NRG3: variants seen among roughly 807,000 people sequenced by gnomAD.
NRG3 encodes pro-neuregulin-3, membrane-bound isoform.
In NRG3, 31 loss-of-function variants were observed where a neutral mutation model predicts 66.9. The ratio of observed to expected loss-of-function variants is 0.46; its 90% CI spans 0.35 to 0.63. NRG3 has a LOEUF of 0.63. Ranked by LOEUF, NRG3 falls within the 20% of genes least tolerant of loss-of-function variation. The pLI is 0.00. For synonymous variants in NRG3, 393 were observed against 359.4 expected, an observed-to-expected ratio of 1.09 and a Z score of -1.06; for missense variants, 910 against 878.9, an observed-to-expected ratio of 1.04 and a Z score of -0.45.
intron 1 of NRG3, among the ~76,000 whole-genome samples, chr10:82,055,420 T>A (rs2063792987): frequency 7.4e-6 from 1 of 134,900 alleles, no homozygotes; most frequent in African/African-American, 2.8e-5. Flanking sequence ...GAGTTTGCAG[T>A]GAACCAAGAT....
intron 7 of NRG3, among the ~76,000 whole-genome samples, chr10:82,977,276 A>G (rs1343175931): frequency 1.3e-5 from 2 of 152,154 alleles, no homozygotes; most frequent in African/African-American, 4.8e-5. Context: ...CTATCTAGAC[A>G]TCCCTTGTTA....
intron 2 of NRG3, among the ~76,000 whole-genome samples, chr10:82,683,315 C>T (rs913962376): frequency 1.3e-5 from 2 of 151,960 alleles, no homozygotes; most frequent in African/African-American, 2.4e-5. Context: ...TCCTTCCTCC[C>T]TCCCTTCCTC....
At chr10:82,624,776 G>T (rs1214996997) in intron 2 of NRG3, among the ~76,000 whole-genome samples, 1 of 147,554 alleles carries the variant, frequency 6.8e-6, no homozygotes, top group Non-Finnish European at 1.5e-5. Context: ...CAATGTACCA[G>T]GTTGGTGCTT....
At position 82,369,786 on chromosome 10, in the gene NRG3, A is replaced by G. The variant is rs2084767233; in HGVS notation, c.953+10918A>G. Reference sequence around the variant, plus strand: ...GTGGATTTTTCTTAATGTAACTTTCACCAGAATGTACAACCTCTGTATTGT... The same window carrying G: ...GTGGATTTTTCTTAATGTAACTTTCGCCAGAATGTACAACCTCTGTATTGT... On this transcript the variant is annotated intron_variant, in intron 2 of 8. Coordinates refer to ENST00000372141, the MANE Select transcript of NRG3 (RefSeq NM_001010848.4). Among the ~76,000 whole-genome samples the G allele has an allele frequency of 1.4e-5, 2 of 138,834 alleles. 1 individual carries two copies. The highest frequency in any genetic ancestry group is 3.0e-5 in the Non-Finnish European group (2 of 67,592). 91.1% of individuals were successfully genotyped at this position (138,834 alleles called of 152,430 possible).
chr10:82,409,452 C>G (rs1036739301), intron 2 of NRG3, among the ~76,000 whole-genome samples: 1 of 151,400 alleles, frequency 6.6e-6, no homozygotes, highest in Non-Finnish European at 1.5e-5. Flanking sequence ...AACCCATGCC[C>G]GGATAAACAA....
intron 1 of NRG3, among the ~76,000 whole-genome samples, chr10:81,896,907 C>G (rs1338164665): frequency 6.6e-6 from 1 of 152,168 alleles, no homozygotes; most frequent in African/African-American, 2.4e-5. Flanking sequence ...AAACCCAACA[C>G]CCCTGGAGCT....
At chr10:82,735,487 G>A (rs182292870) in intron 2 of NRG3, among the ~76,000 whole-genome samples, 6 of 152,286 alleles carry the variant, frequency 3.9e-5, no homozygotes, top group African/African-American at 1.4e-4. Flanking sequence ...ATTTGCAATA[G>A]CAAAGACTAG....
At chr10:81,898,998 A>G (rs1045004499) in intron 1 of NRG3, among the ~76,000 whole-genome samples, 4 of 152,186 alleles carry the variant, frequency 2.6e-5, no homozygotes, top group African/African-American at 9.6e-5. Flanking sequence ...TTTACATTTT[A>G]TTTTATCTCA....
chr10:82,662,242 G>T (rs1372296526), intron 2 of NRG3, among the ~76,000 whole-genome samples: 2 of 122,060 alleles, frequency 1.6e-5, no homozygotes, highest in Admixed American at 7.9e-5. Context: ...CACGAAGTAG[G>T]GTGTGGGTTG....
chr10:82,173,799 A>G (rs1329692847), intron 1 of NRG3, among the ~76,000 whole-genome samples: 2 of 152,110 alleles, frequency 1.3e-5, no homozygotes, highest in African/African-American at 4.8e-5. Flanking sequence ...AAAGTGTGCT[A>G]GAGACTCAGA....
At chr10:81,943,092 G>T (rs1169900414) in intron 1 of NRG3, among the ~76,000 whole-genome samples, 2 of 152,068 alleles carry the variant, frequency 1.3e-5, no homozygotes, top group Non-Finnish European at 2.9e-5. Context: ...TACACAAGTA[G>T]TAGTTGCATT....
chr10:82,951,431 G>A (rs781434142), intron 4 of NRG3, 38 bp from the exon 5 acceptor site: 19 of 1,504,756 alleles, frequency 1.3e-5, no homozygotes, highest in South Asian at 6.8e-5. Flanking sequence ...GATGCACCCC[G>A]CTAGCATCCA....
chr10:82,614,898 C>CAA, intron 2 of NRG3, among the ~76,000 whole-genome samples: 1 of 143,678 alleles, frequency 7.0e-6, no homozygotes, highest in African/African-American at 2.5e-5. Flanking sequence ...TATATATTTC[C>CAA]AAAAAAAAAA....
chr10:82,252,154 C>T (rs1235094301), intron 1 of NRG3, among the ~76,000 whole-genome samples: 1 of 152,178 alleles, frequency 6.6e-6, no homozygotes, highest in Non-Finnish European at 1.5e-5. Flanking sequence ...AATTAATTGC[C>T]TTGAAGAGAG....
chr10:82,295,131 T>C (rs1383044554), intron 1 of NRG3, among the ~76,000 whole-genome samples: 1 of 152,212 alleles, frequency 6.6e-6, no homozygotes, highest in African/African-American at 2.4e-5. Context: ...AAATTGCACA[T>C]GACCTTGGTC....
intron 1 of NRG3, among the ~76,000 whole-genome samples, chr10:81,989,456 C>T (rs751170731): frequency 1.5e-4 from 23 of 151,904 alleles, no homozygotes; most frequent in African/African-American, 4.1e-4. Context: ...AGCAAAGAAA[C>T]GCAAAAGTGA....
chr10:82,552,955 C>T (rs1156791053), intron 2 of NRG3, among the ~76,000 whole-genome samples: 1 of 151,986 alleles, frequency 6.6e-6, no homozygotes, highest in Non-Finnish European at 1.5e-5. Context: ...GACAATGTAC[C>T]TCCACATGAT....
At chr10:82,816,567 A>G (rs902589267) in intron 3 of NRG3, among the ~76,000 whole-genome samples, 3 of 151,860 alleles carry the variant, frequency 2.0e-5, no homozygotes, top group Non-Finnish European at 4.4e-5. Context: ...AAAAAGCACC[A>G]TAAGTTCTCA....
At chr10:82,031,726 C>A (rs1300303302) in intron 1 of NRG3, among the ~76,000 whole-genome samples, 1 of 152,070 alleles carries the variant, frequency 6.6e-6, no homozygotes, top group Non-Finnish European at 1.5e-5. Context: ...GACAATTCTT[C>A]AGCTCTCTTT....
Sources: allele counts gnomAD v4.1 joint callset (sites outside exome capture counted in the v4.1 genomes callset), GRCh38; gene constraint gnomAD v4.1.1; transcripts MANE v1.5; gene names NCBI Gene and HGNC (gene_info 2026-07-23, HGNC 2026-07-21).